Variants in TRERF1 observed in about 807,000 individuals in gnomAD.
TRERF1 encodes transcriptional-regulating factor 1.
Under a neutral mutation model 122.9 loss-of-function variants are expected in TRERF1, and 27 were observed. That is an observed-to-expected ratio of 0.22 (90% CI 0.16 to 0.30). TRERF1 has a LOEUF of 0.30. Ranked by LOEUF, TRERF1 falls within the 10% of genes least tolerant of loss-of-function variation. The pLI is 1.00. For missense variants in TRERF1, 1,248 were observed against 1,560.3 expected, an observed-to-expected ratio of 0.80 and a Z score of 3.37; for synonymous variants, 636 against 641.7, an observed-to-expected ratio of 0.99 and a Z score of 0.13.
chr6:42,402,603 G>A (rs1779552130), intron 2 of TRERF1, among the ~76,000 whole-genome samples: 1 of 152,146 alleles, frequency 6.6e-6, no homozygotes, highest in South Asian at 2.1e-4. Context: ...TGTTATTGTT[G>A]TTGATTTGGT....
At chr6:42,367,832 A>G (rs547494260) in intron 2 of TRERF1, among the ~76,000 whole-genome samples, 94 of 152,124 alleles carry the variant, frequency 6.2e-4, no homozygotes, top group African/African-American at 2.2e-3. Context: ...TTAGCACAGA[A>G]AGGGGAAGTG....
intron 2 of TRERF1, among the ~76,000 whole-genome samples, chr6:42,410,465 A>AAT (rs1478800091): frequency 6.6e-6 from 1 of 152,168 alleles, no homozygotes; most frequent in Non-Finnish European, 1.5e-5. Context: ...CTCATTTTTT[A>AAT]AAGAGCCCAT....
intron 4 of TRERF1, among the ~76,000 whole-genome samples, chr6:42,272,638 AT>A (rs1376058056): frequency 6.6e-6 from 1 of 152,218 alleles, no homozygotes; most frequent in African/African-American, 2.4e-5. Flanking sequence ...CAGGTGAGGC[AT>A]AATTAAGACC....
intron 2 of TRERF1, among the ~76,000 whole-genome samples, chr6:42,380,827 A>C (rs1775789217): frequency 6.6e-6 from 1 of 152,216 alleles, no homozygotes; most frequent in African/African-American, 2.4e-5. Context: ...GGTTGGGCCC[A>C]CAGAGGGGCC....
At chr6:42,355,630 TTTAA>T (rs1015331028) in intron 3 of TRERF1, among the ~76,000 whole-genome samples, 3 of 152,220 alleles carry the variant, frequency 2.0e-5, no homozygotes, top group African/African-American at 7.2e-5. Flanking sequence ...TCCTTGAGAG[TTTAA>T]AAGGATTTTC....
intron 4 of TRERF1, among the ~76,000 whole-genome samples, chr6:42,279,871 A>G (rs1175442544): frequency 6.6e-6 from 1 of 152,212 alleles, no homozygotes; most frequent in East Asian, 1.9e-4. Context: ...GCCCCAGAGA[A>G]GAAGCGATCA....
intron 3 of TRERF1, among the ~76,000 whole-genome samples, chr6:42,346,240 A>G (rs868483374): frequency 6.6e-6 from 1 of 151,174 alleles, no homozygotes; most frequent in Non-Finnish European, 1.5e-5. Flanking sequence ...GGGCAGAGCC[A>G]CCCCAGCCAC....
chr6:42,340,370 A>G (rs1767020843), intron 3 of TRERF1, among the ~76,000 whole-genome samples: 1 of 152,166 alleles, frequency 6.6e-6, no homozygotes. Flanking sequence ...GCCCATTCAC[A>G]GACGGTTGAG....
At chr6:42,363,625 T>C (rs1167261677) in intron 2 of TRERF1, among the ~76,000 whole-genome samples, 3 of 152,162 alleles carry the variant, frequency 2.0e-5, no homozygotes, top group African/African-American at 4.8e-5. Context: ...GACAGGGTCA[T>C]TGAAGATGTC....
intron 3 of TRERF1, among the ~76,000 whole-genome samples, chr6:42,343,438 C>T (rs1380111950): frequency 6.6e-6 from 1 of 152,150 alleles, no homozygotes; most frequent in Non-Finnish European, 1.5e-5. Flanking sequence ...AAGATGGTTT[C>T]CACGGTGACA....
At chr6:42,287,302 A>G (rs1341665768) in intron 4 of TRERF1, among the ~76,000 whole-genome samples, 5 of 151,900 alleles carry the variant, frequency 3.3e-5, no homozygotes, top group South Asian at 4.1e-4. Context: ...TAAAAAAAAA[A>G]AAAAGAAAAG....
chr6:42,337,272 A>G (rs1766378842), intron 3 of TRERF1, among the ~76,000 whole-genome samples: 1 of 152,240 alleles, frequency 6.6e-6, no homozygotes, highest in Admixed American at 6.5e-5. Context: ...GCCAGGGAGC[A>G]GGAACTGTAA....
At chr6:42,435,899 G>A (rs12197828) in intron 2 of TRERF1, among the ~76,000 whole-genome samples, 15,211 of 151,886 alleles carry the variant, frequency 0.1, 952 homozygotes, top group African/African-American at 0.17. Context: ...AGAATCATTT[G>A]AACCCAGGAG....
chr6:42,440,970 G>T (rs1351383312), intron 2 of TRERF1, among the ~76,000 whole-genome samples: 1 of 152,102 alleles, frequency 6.6e-6, no homozygotes, highest in Non-Finnish European at 1.5e-5. Flanking sequence ...GCCGAGCTCT[G>T]CCTACATTAC....
At chr6:42,382,198 A>G (rs1374154943) in intron 2 of TRERF1, among the ~76,000 whole-genome samples, 1 of 151,346 alleles carries the variant, frequency 6.6e-6, no homozygotes, top group Non-Finnish European at 1.5e-5. Flanking sequence ...TGGACATGGA[A>G]GGCCACCCAG....
At chr6:42,373,438 C>A (rs144423616) in intron 2 of TRERF1, among the ~76,000 whole-genome samples, 1 of 151,824 alleles carries the variant, frequency 6.6e-6, no homozygotes, top group South Asian at 2.1e-4. Context: ...GAGGCCAAGG[C>A]GGGTGGATCA....
At chr6:42,402,959 GCT>G (rs150920571) in intron 2 of TRERF1, among the ~76,000 whole-genome samples, 4,070 of 152,214 alleles carry the variant, frequency 0.027, 182 homozygotes, top group African/African-American at 0.094. Flanking sequence ...TGAAGGTGAG[GCT>G]CTCAGCCACC....
chr6:42,301,788 A>G (rs1786251032), intron 3 of TRERF1, among the ~76,000 whole-genome samples: 1 of 152,242 alleles, frequency 6.6e-6, no homozygotes, highest in South Asian at 2.1e-4. Context: ...GCTGAGTAGC[A>G]GCATTGCTAT....
At chr6:42,341,507 A>G (rs990495489) in intron 3 of TRERF1, among the ~76,000 whole-genome samples, 1 of 152,240 alleles carries the variant, frequency 6.6e-6, no homozygotes, top group Admixed American at 6.5e-5. Context: ...GGCCCCGGGA[A>G]CAGGAGGGAG....
Sources: allele counts gnomAD v4.1 joint callset (sites outside exome capture counted in the v4.1 genomes callset), GRCh38; gene constraint gnomAD v4.1.1; transcripts MANE v1.5; gene names NCBI Gene and HGNC (gene_info 2026-07-23, HGNC 2026-07-21).